The following ZMYM2 variants were observed in gnomAD, a reference collection of about 807,000 sequenced individuals.
ZMYM2 encodes zinc finger MYM-type protein 2.
Under a neutral mutation model 162.8 loss-of-function variants are expected in ZMYM2, and 56 were observed. That is an observed-to-expected ratio of 0.34 (90% confidence interval 0.28 to 0.43). ZMYM2 has a LOEUF of 0.43. Ranked by LOEUF, ZMYM2 falls within the 20% of genes least tolerant of loss-of-function variation. The pLI is 1.00. For missense variants in ZMYM2, 1,275 were observed against 1,621.8 expected (o/e 0.79, Z 3.67); for synonymous variants, 510 against 541.6 (o/e 0.94, Z 0.81).
At chr13:20,077,143 T>A (rs1486555242) in intron 21 of ZMYM2, among the ~76,000 whole-genome samples, 1 of 150,722 alleles carries the variant, frequency 6.6e-6, no homozygotes, top group Non-Finnish European at 1.5e-5. Flanking sequence ...AAACCTTCTT[T>A]CATTGGTTAA....
the ZMYM2 span, among the ~76,000 whole-genome samples, chr13:19,918,495 C>CTTTTTTTT: frequency 1.2e-3 from 133 of 107,460 alleles, no homozygotes; most frequent in Non-Finnish European, 1.7e-3. Context: ...TTCTTTCTTT[C>CTTTTTTTT]TTTTTTTTTT....
the ZMYM2 span, among the ~76,000 whole-genome samples, chr13:19,949,068 A>G: frequency 6.6e-6 from 1 of 150,992 alleles, no homozygotes; most frequent in African/African-American, 2.4e-5. Flanking sequence ...TGAGTTCAAG[A>G]CCAGCCTGGG....
At chr13:20,068,995 A>G (rs1956886633) in intron 21 of ZMYM2, among the ~76,000 whole-genome samples, 1 of 152,076 alleles carries the variant, frequency 6.6e-6, no homozygotes, top group South Asian at 2.1e-4. Context: ...AAACAACAAA[A>G]TAAGGGGTTC....
the ZMYM2 span, among the ~76,000 whole-genome samples, chr13:19,896,877 A>G: frequency 6.6e-6 from 1 of 151,142 alleles, no homozygotes; most frequent in East Asian, 1.9e-4. Context: ...GTTCGAGACC[A>G]GCCTGACCAA....
the ZMYM2 span, among the ~76,000 whole-genome samples, chr13:19,926,748 A>G: frequency 1.3e-5 from 2 of 152,124 alleles, no homozygotes; most frequent in Non-Finnish European, 2.9e-5. Context: ...GCTCACTGCA[A>G]TCTCTGCCTC....
At chr13:19,937,456 CTTTTTT>C in the ZMYM2 span, among the ~76,000 whole-genome samples, 2 of 105,116 alleles carry the variant, frequency 1.9e-5, no homozygotes, top group Admixed American at 1.0e-4. Flanking sequence ...TAGTATTCCT[CTTTTTT>C]TTTTTTTTTT....
At chr13:20,005,544 GTAATA>G (rs1205390147) in intron 5 of ZMYM2, among the ~76,000 whole-genome samples, 1 of 152,066 alleles carries the variant, frequency 6.6e-6, no homozygotes. Context: ...TTTTTGTCTA[GTAATA>G]TATTTATTTA....
intron 21 of ZMYM2, 117 bp from the exon 22 acceptor site, chr13:20,081,899 G>A (rs145187914): frequency 1.8e-6 from 1 of 554,598 alleles, no homozygotes; most frequent in East Asian, 3.4e-5. Context: ...GTTTTAGTAT[G>A]CATTTCAAAG....
At chr13:20,079,084 G>A (rs1957722848) in intron 21 of ZMYM2, among the ~76,000 whole-genome samples, 5 of 151,384 alleles carry the variant, frequency 3.3e-5, no homozygotes, top group Admixed American at 1.3e-4. Context: ...ACTTTGGGAG[G>A]CTGAGGCAGG....
intron 17 of ZMYM2, 76 bp from the exon 18 acceptor site, chr13:20,062,770 G>T: frequency 7.3e-7 from 1 of 1,367,356 alleles, no homozygotes; most frequent in Non-Finnish European, 9.6e-7. Flanking sequence ...TAAATGACTT[G>T]CTTTTGCCAG....
intron 12 of ZMYM2, among the ~76,000 whole-genome samples, chr13:20,043,873 C>T (rs1437987952): frequency 1.3e-5 from 2 of 152,032 alleles, no homozygotes; most frequent in Non-Finnish European, 2.9e-5. Flanking sequence ...ATGGGTGGCA[C>T]TGCTGCGTGT....
chr13:19,954,396 A>G (rs557971008), upstream of ZMYM2, among the ~76,000 whole-genome samples: 42 of 151,986 alleles, frequency 2.8e-4, no homozygotes, highest in East Asian at 9.7e-4. Context: ...GATTACAGGC[A>G]TGAGCCACCG....
chr13:19,949,933 G>A, the ZMYM2 span, among the ~76,000 whole-genome samples: 1 of 147,182 alleles, frequency 6.8e-6, no homozygotes, highest in African/African-American at 2.5e-5. Flanking sequence ...GAGCGAGAGA[G>A]AAAAAAAGAA....
the ZMYM2 span, among the ~76,000 whole-genome samples, chr13:19,935,780 A>C: frequency 1.3e-5 from 2 of 152,090 alleles, no homozygotes; most frequent in African/African-American, 4.8e-5. Context: ...TATAGGATAC[A>C]GAGTAATATC....
the ZMYM2 span, among the ~76,000 whole-genome samples, chr13:19,902,149 T>C: frequency 6.6e-6 from 1 of 152,294 alleles, no homozygotes; most frequent in East Asian, 1.9e-4. Flanking sequence ...AGACAAATAC[T>C]GTATGACTCC....
chr13:20,084,566 A>G (rs1958126800), intron 24 of ZMYM2, among the ~76,000 whole-genome samples: 1 of 152,294 alleles, frequency 6.6e-6, no homozygotes, highest in South Asian at 2.1e-4. Context: ...GGTATGCTCA[A>G]AGGTAGTATA....
intron 3 of ZMYM2, among the ~76,000 whole-genome samples, chr13:20,002,304 G>T (rs921752634): frequency 1.3e-5 from 2 of 152,018 alleles, no homozygotes; most frequent in African/African-American, 4.8e-5. Context: ...TTAATAACTA[G>T]TGACATTTTT....
At chr13:19,885,950 T>TGTGTATAC in the ZMYM2 span, among the ~76,000 whole-genome samples, 20 of 79,658 alleles carry the variant, frequency 2.5e-4, 8 homozygotes, top group East Asian at 1.2e-3. Context: ...TATATGTATA[T>TGTGTATAC]ACACATATAT....
chr13:19,885,864 T>A, the ZMYM2 span, among the ~76,000 whole-genome samples: 8 of 37,772 alleles, frequency 2.1e-4, 1 homozygote, highest in Admixed American at 7.6e-4. Context: ...AAAAAAAAAA[T>A]ATATATATGT....
Sources: allele counts gnomAD v4.1 joint callset (sites outside exome capture counted in the v4.1 genomes callset), GRCh38; gene constraint gnomAD v4.1.1; transcripts MANE v1.5; gene names NCBI Gene and HGNC (gene_info 2026-07-23, HGNC 2026-07-21).